NCOA2: variants seen among roughly 807,000 people sequenced by gnomAD.
NCOA2 encodes the protein class E basic helix-loop-helix protein 75.
Under a neutral mutation model 145.1 loss-of-function variants are expected in NCOA2, and 21 were observed. The observed-to-expected ratio is 0.14, with a 90% CI of 0.10 to 0.21. The LOEUF (loss-of-function observed/expected upper bound fraction) is 0.21, where lower values mean the gene tolerates loss of function less well. Ranked by LOEUF, NCOA2 falls within the 10% of genes least tolerant of loss-of-function variation. NCOA2 has a pLI of 1.00. For missense variants in NCOA2, 1,472 were observed against 1,837.6 expected, an observed-to-expected ratio of 0.80 and a Z score of 3.64; for synonymous variants, 619 against 637.5, an observed-to-expected ratio of 0.97 and a Z score of 0.44.
At chr8:70,189,426 A>G (rs1007182313) in intron 4 of NCOA2, among the ~76,000 whole-genome samples, 1 of 152,152 alleles carries the variant, frequency 6.6e-6, no homozygotes, top group African/African-American at 2.4e-5. Flanking sequence ...CCAGTCTCTG[A>G]GCCAGAAATT....
intron 2 of NCOA2, among the ~76,000 whole-genome samples, chr8:70,228,514 G>C (rs939298075): frequency 6.6e-6 from 1 of 152,060 alleles, no homozygotes; most frequent in African/African-American, 2.4e-5. Flanking sequence ...ATTCAAGAAA[G>C]GTAGCTTCTA....
chr8:70,284,065 C>A (rs1826068907), intron 2 of NCOA2, among the ~76,000 whole-genome samples: 1 of 152,182 alleles, frequency 6.6e-6, no homozygotes, highest in African/African-American at 2.4e-5. Context: ...CACTAGATGA[C>A]TGCCAAGAAT....
intron 4 of NCOA2, among the ~76,000 whole-genome samples, chr8:70,190,935 T>C (rs1256285481): frequency 1.3e-5 from 2 of 152,092 alleles, no homozygotes; most frequent in Non-Finnish European, 2.9e-5. Flanking sequence ...AGTCTAAAAA[T>C]CAAGGATCAT....
chr8:70,160,678 AGAGG>A (rs1045478454), intron 9 of NCOA2, among the ~76,000 whole-genome samples: 6 of 145,500 alleles, frequency 4.1e-5, no homozygotes, highest in African/African-American at 1.4e-4. Context: ...AGAGAGAGAG[AGAGG>A]GAGAGAGAGA....
At chr8:70,425,204 A>G in the NCOA2 span, among the ~76,000 whole-genome samples, 8 of 152,164 alleles carry the variant, frequency 5.3e-5, no homozygotes, top group African/African-American at 1.7e-4. Context: ...TGTTATTTCC[A>G]TCTCCATTCC....
intron 5 of NCOA2, 43 bp downstream of exon 5, chr8:70,174,713 C>T (rs145886383): frequency 8.6e-6 from 13 of 1,516,806 alleles, no homozygotes; most frequent in Middle Eastern, 1.7e-4. Context: ...ATGTGAAGAT[C>T]AACAAGATTT....
At position 70,213,914 on chromosome 8, in the gene NCOA2, A is replaced by T. The variant is rs1211500813; in HGVS notation, c.248T>A (p.Ile83Asn). 6.3e-7 allele frequency: 1 copy of T among 1,594,298 alleles called. No individual in the cohort carries two copies. Among genetic ancestry groups the T allele is most frequent in the Admixed American group, 1.8e-5 (1 of 55,896 alleles). The change falls in exon 4 of 23, where the codon ATC becomes AAC. Residue 83 changes from isoleucine (I) to asparagine (N), a missense_variant. Transcript: ENST00000452400. Reference protein sequence around the residue: ...LKETVKQIRQIKEQEKAAAAN... With the variant: ...LKETVKQIRQNKEQEKAAAAN... Reference sequence around the variant, plus strand: ...TTCAGTCCTCTTACCTTGTTCTTTGATCTGACGAATTTGCTTCACAGTTTC... The same window carrying T: ...TTCAGTCCTCTTACCTTGTTCTTTGTTCTGACGAATTTGCTTCACAGTTTC...
chr8:70,389,894 G>T (rs1370214317), intron 1 of NCOA2, among the ~76,000 whole-genome samples: 1 of 151,670 alleles, frequency 6.6e-6, no homozygotes, highest in African/African-American at 2.4e-5. Context: ...TCGAACTCCT[G>T]ACCTCAGGTG....
At chr8:70,145,621 CT>C (rs527848276) in intron 12 of NCOA2, among the ~76,000 whole-genome samples, 1,617 of 140,294 alleles carry the variant, frequency 0.012, 8 homozygotes, top group African/African-American at 0.023. Context: ...GTGCCCAGCC[CT>C]TTTTTTTTTT....
chr8:70,192,328 G>GA (rs143456331), intron 4 of NCOA2, among the ~76,000 whole-genome samples: 4,700 of 151,988 alleles, frequency 0.031, 233 homozygotes, highest in African/African-American at 0.11. Flanking sequence ...CAGAGGAGGG[G>GA]AAAAAAAAGA....
Position 70,164,184 on chromosome 8 carries a change from T to C in NCOA2, c.731-618A>G, listed in dbSNP as rs142638075. On this transcript the variant is annotated intron_variant, in intron 7 of 22. Transcript: ENST00000452400. Reference sequence around the variant, plus strand: ...AACAGCTGCATTATAGTTCAGAATCTTGGCTGTGGACGGTTTCTCACACAG... The same window carrying C: ...AACAGCTGCATTATAGTTCAGAATCCTGGCTGTGGACGGTTTCTCACACAG... 8.9e-4 allele frequency among the ~76,000 whole-genome samples: 136 copies of C among 152,336 alleles called. 1 individual carries two copies. Among genetic ancestry groups the C allele is most frequent in the Middle Eastern group, 3.4e-3 (1 of 294 alleles).
At chr8:70,133,156 G>A (rs567476671) in intron 15 of NCOA2, among the ~76,000 whole-genome samples, 24 of 149,454 alleles carry the variant, frequency 1.6e-4, no homozygotes, top group Middle Eastern at 6.9e-3. Flanking sequence ...TCACCCTCCT[G>A]AGTAGCTAGG....
rs149637634 is a variant in NCOA2 at position 70,238,117 on chromosome 8, T to C, written c.-19-21353A>G. Among the ~76,000 whole-genome samples, 93 of 152,188 alleles carry C rather than the reference T, an allele frequency of 6.1e-4. 1 individual carries two copies. The East Asian group carries it at 0.014, about 23-fold the overall frequency. On this transcript the variant is annotated intron_variant, in intron 2 of 22. Transcript: ENST00000452400. Reference sequence around the variant, plus strand: ...CCAGAAGACAGAAATGACAGGTTCATGGATAACTTAGTCAATGAATAAGCA... The same window carrying C: ...CCAGAAGACAGAAATGACAGGTTCACGGATAACTTAGTCAATGAATAAGCA...
chr8:70,189,857 G>GT (rs1274181802), intron 4 of NCOA2, among the ~76,000 whole-genome samples: 1 of 152,140 alleles, frequency 6.6e-6, no homozygotes, highest in Non-Finnish European at 1.5e-5. Context: ...TATTAAAAAG[G>GT]TTTTTCTTTA....
intron 2 of NCOA2, among the ~76,000 whole-genome samples, chr8:70,252,777 C>A (rs766650053): frequency 6.6e-6 from 1 of 152,092 alleles, no homozygotes; most frequent in Non-Finnish European, 1.5e-5. Context: ...TTTGACCATA[C>A]AAATAGAATT....
intron 4 of NCOA2, among the ~76,000 whole-genome samples, chr8:70,180,441 A>T (rs1450144495): frequency 6.6e-6 from 1 of 152,024 alleles, no homozygotes; most frequent in African/African-American, 2.4e-5. Flanking sequence ...GAAGAACAAA[A>T]CCCCATCTCT....
At chr8:70,400,914 TAAAAG>T (rs1276250834) in intron 1 of NCOA2, among the ~76,000 whole-genome samples, 1 of 152,210 alleles carries the variant, frequency 6.6e-6, no homozygotes, top group Non-Finnish European at 1.5e-5. Flanking sequence ...ATAAGATACC[TAAAAG>T]AAAACACTCC....
chr8:70,232,570 C>T, intron 2 of NCOA2, among the ~76,000 whole-genome samples: 1 of 152,152 alleles, frequency 6.6e-6, no homozygotes, highest in East Asian at 1.9e-4. Context: ...AACATCACTT[C>T]TGGTGTCTCA....
chr8:70,292,643 CT>C (rs1248925924), intron 2 of NCOA2, among the ~76,000 whole-genome samples: 2 of 151,904 alleles, frequency 1.3e-5, no homozygotes, highest in African/African-American at 4.8e-5. Flanking sequence ...ATAGATAATC[CT>C]TTTTAATTTA....
Sources: gnomAD v4.1 joint callset for allele counts (sites outside exome capture counted in the v4.1 genomes callset) on GRCh38, gnomAD v4.1.1 for gene constraint, MANE v1.5 for transcripts, NCBI Gene and HGNC (gene_info 2026-07-23, HGNC 2026-07-21) for gene names.